Variants in RHOBTB1 observed in about 807,000 individuals in gnomAD.
RHOBTB1 encodes the protein Rho related BTB domain containing 1.
Under a neutral mutation model 71.6 loss-of-function variants are expected in RHOBTB1, and 40 were observed. The observed-to-expected ratio is 0.56, with a 90% confidence interval of 0.43 to 0.73. The LOEUF (loss-of-function observed/expected upper bound fraction) is 0.73. Ranked by LOEUF, RHOBTB1 falls within the 30% of genes least tolerant of loss-of-function variation. The pLI, the probability that RHOBTB1 is intolerant of heterozygous loss-of-function variation, is 0.00. For missense variants in RHOBTB1, 797 were observed against 894.0 expected (o/e 0.89, Z 1.38); for synonymous variants, 319 against 334.9 (o/e 0.95, Z 0.52).
At chr10:60,927,435 G>A (rs2083948439) in intron 2 of RHOBTB1, among the ~76,000 whole-genome samples, 1 of 152,088 alleles carries the variant, frequency 6.6e-6, no homozygotes, top group Non-Finnish European at 1.5e-5. Context: ...AATAGAGCTG[G>A]AGGCATCACA....
chr10:60,925,555 T>G (rs180915738), intron 2 of RHOBTB1, among the ~76,000 whole-genome samples: 1 of 151,754 alleles, frequency 6.6e-6, no homozygotes, highest in Non-Finnish European at 1.5e-5. Context: ...AAACCCAAAA[T>G]TAGTAGAAGA....
intron 2 of RHOBTB1, among the ~76,000 whole-genome samples, chr10:60,972,624 T>G (rs1412522075): frequency 1.3e-5 from 2 of 152,056 alleles, no homozygotes; most frequent in Admixed American, 1.3e-4. Flanking sequence ...CCATGGCACG[T>G]GTATGCCTAT....
chr10:60,912,241 A>G (rs2083029154), intron 2 of RHOBTB1, among the ~76,000 whole-genome samples: 1 of 151,830 alleles, frequency 6.6e-6, no homozygotes, highest in African/African-American at 2.4e-5. Flanking sequence ...ACACATATAT[A>G]TATGTATATG....
chr10:60,928,199 AC>A (rs2084004903), intron 2 of RHOBTB1, among the ~76,000 whole-genome samples: 2 of 152,110 alleles, frequency 1.3e-5, no homozygotes, highest in South Asian at 4.1e-4. Flanking sequence ...AGAAAGGGGA[AC>A]CCTTGCAAGC....
rs138680245 is a variant in RHOBTB1, at chr10:60,961,299, T to A, written c.-61-19445A>T. Among the ~76,000 whole-genome samples the A allele has an allele frequency of 2.2e-3, 338 of 152,266 alleles. 2 individuals are homozygous for A. Among genetic ancestry groups the A allele is most frequent in the African/African-American group, 7.0e-3 (291 of 41,556 alleles). On this transcript the variant is annotated intron_variant, in intron 2 of 11. Coordinates refer to the RHOBTB1 transcript ENST00000357917. The stretch of plus-strand genomic sequence containing the variant: ...CAGTATGCCTAGAGCTGGACACATC[T>A]GGATTAGAACCCTGGCTCCACTGCT...
At chr10:60,889,266 T>A (rs2081791481) in intron 5 of RHOBTB1, 81 bp from the exon 6 acceptor site, 14 of 1,400,156 alleles carry the variant, frequency 1.0e-5, no homozygotes, top group Non-Finnish European at 1.3e-5. Flanking sequence ...AAGCACCTAA[T>A]GGAACTATAC....
chr10:60,861,022 C>G, the RHOBTB1 span, among the ~76,000 whole-genome samples: 1 of 152,126 alleles, frequency 6.6e-6, no homozygotes, highest in Non-Finnish European at 1.5e-5. Flanking sequence ...TCAGATCAAG[C>G]CTTTGGCAAG....
downstream of RHOBTB1, among the ~76,000 whole-genome samples, chr10:60,868,662 G>A (rs2080654542): frequency 6.6e-6 from 1 of 152,142 alleles, no homozygotes; most frequent in Admixed American, 6.5e-5. Flanking sequence ...TGCCAGTATA[G>A]GAAACTTTGC....
At chr10:60,990,978 T>C (rs1320972489) in intron 1 of RHOBTB1, among the ~76,000 whole-genome samples, 3 of 152,180 alleles carry the variant, frequency 2.0e-5, no homozygotes, top group Admixed American at 6.5e-5. Flanking sequence ...TCCTCCACCA[T>C]TGTTCCCTGA....
intron 2 of RHOBTB1, among the ~76,000 whole-genome samples, chr10:60,923,819 C>A (rs943093295): frequency 6.6e-6 from 1 of 152,144 alleles, no homozygotes; most frequent in African/African-American, 2.4e-5. Flanking sequence ...ACTTGGATCT[C>A]ATTTTTTTCC....
At chr10:60,924,510 TAAAGAGAG>T (rs1423183698) in intron 2 of RHOBTB1, among the ~76,000 whole-genome samples, 2 of 151,728 alleles carry the variant, frequency 1.3e-5, no homozygotes, top group East Asian at 3.9e-4. Context: ...TTATTAGAGC[TAAAGAGAG>T]AGAGAGAGAG....
At chr10:60,976,861 T>A (rs911106441) in intron 2 of RHOBTB1, among the ~76,000 whole-genome samples, 33 of 152,048 alleles carry the variant, frequency 2.2e-4, no homozygotes, top group Non-Finnish European at 3.8e-4. Flanking sequence ...AGAAAGAGTT[T>A]AATATTTAAC....
intron 2 of RHOBTB1, among the ~76,000 whole-genome samples, chr10:60,984,123 G>T (rs1357851954): frequency 3.3e-5 from 5 of 152,098 alleles, no homozygotes; most frequent in African/African-American, 1.2e-4. Flanking sequence ...CTCCAATTGG[G>T]TAGGCAAGAT....
intron 5 of RHOBTB1, among the ~76,000 whole-genome samples, chr10:60,890,488 T>C (rs914914746): frequency 2.0e-5 from 3 of 151,992 alleles, no homozygotes; most frequent in Non-Finnish European, 2.9e-5. Context: ...AGGACAAATC[T>C]TTGGAAACAG....
chr10:60,994,628 G>T (rs557327412), intron 1 of RHOBTB1, among the ~76,000 whole-genome samples: 1 of 151,254 alleles, frequency 6.6e-6, no homozygotes, highest in Non-Finnish European at 1.5e-5. Flanking sequence ...ATATCCTCAG[G>T]AAAAAAAATG....
At position 60,889,049 on chromosome 10, in the gene RHOBTB1, C is replaced by A; in HGVS notation, c.619G>T (p.Ala207Ser). ...TGCAGGTGCCTGCGGGAAATCAGCG[C>A]TGCTCGGATTGCATTGTCAAACACA... ...KDVFDNAIRA[A>S]LISRRHLQFW... is the part of the protein sequence containing the mutation. Residue 207 changes from alanine (A) to serine (S), a missense_variant, in exon 6 of 11, where the codon GCG becomes TCG. Physicochemically the swap from Ala to Ser is moderately conservative, Grantham distance 99. Transcript: ENST00000337910. The A allele has an allele frequency of 1.2e-6, 2 of 1,614,150 alleles. No individual in the cohort carries two copies. Among genetic ancestry groups the A allele is most frequent in the Non-Finnish European group, 8.5e-7 (1 of 1,180,024 alleles).
At chr10:60,939,420 C>T (rs1027462791) in intron 2 of RHOBTB1, among the ~76,000 whole-genome samples, 1 of 152,170 alleles carries the variant, frequency 6.6e-6, no homozygotes, top group African/African-American at 2.4e-5. Context: ...TAACAAATAA[C>T]TAATCTGTAA....
At position 60,923,204 on chromosome 10, in the gene RHOBTB1, A is replaced by G. The variant is rs561478367; in HGVS notation, c.-10-11652T>C. 2.0e-5 allele frequency among the ~76,000 whole-genome samples: 3 copies of G among 152,340 alleles called. No individual in the cohort carries two copies. The South Asian group carries it at 6.2e-4, about 32-fold the overall frequency. ...TATGACCTATTAAAAACCTTGAAGC[A>G]TAGACATGTACAAGCAATTACCTAA... On this transcript the variant is annotated intron_variant, in intron 2 of 10. Coordinates refer to ENST00000337910, the MANE Select transcript of RHOBTB1 (RefSeq NM_014836.5).
At chr10:60,984,739 C>A (rs1305141813) in intron 2 of RHOBTB1, among the ~76,000 whole-genome samples, 1 of 152,086 alleles carries the variant, frequency 6.6e-6, no homozygotes, top group African/African-American at 2.4e-5. Context: ...ATAATTTGTT[C>A]ATGAGCTGGG....
Sources: allele counts gnomAD v4.1 joint callset (sites outside exome capture counted in the v4.1 genomes callset), GRCh38; gene constraint gnomAD v4.1.1; transcripts MANE v1.5; gene names NCBI Gene and HGNC (gene_info 2026-07-23, HGNC 2026-07-21).